The following ASTN2 variants were observed in gnomAD, a reference collection of about 807,000 sequenced individuals.
ASTN2 encodes astrotactin-2.
In ASTN2, 54 loss-of-function variants were observed where a neutral mutation model predicts 139.8. The observed-to-expected ratio is 0.39, with a 90% CI of 0.31 to 0.48. The LOEUF (loss-of-function observed/expected upper bound fraction) is 0.48. Ranked by LOEUF, ASTN2 falls within the 20% of genes least tolerant of loss-of-function variation. ASTN2 has a pLI of 0.95. For synonymous variants in ASTN2, 756 were observed against 719.5 expected, an observed-to-expected ratio of 1.05 and a Z score of -0.81; for missense variants, 1,565 against 1,725.1, an observed-to-expected ratio of 0.91 and a Z score of 1.64.
intron 19 of ASTN2, among the ~76,000 whole-genome samples, chr9:116,558,641 A>C (rs780234265): frequency 1.3e-5 from 2 of 152,176 alleles, no homozygotes; most frequent in Non-Finnish European, 2.9e-5. Flanking sequence ...ATGTTTCCTC[A>C]GAGATGCTTG....
At chr9:117,323,356 T>TACCACCACCACC (rs58313578) in intron 1 of ASTN2, among the ~76,000 whole-genome samples, 27 of 151,328 alleles carry the variant, frequency 1.8e-4, no homozygotes, top group Admixed American at 1.2e-3. Context: ...CCTCAAAGAC[T>TACCACCACCACC]ACCACCACCA....
intron 13 of ASTN2, among the ~76,000 whole-genome samples, chr9:116,791,981 A>G (rs1564269760): frequency 6.6e-6 from 1 of 152,322 alleles, no homozygotes; most frequent in East Asian, 1.9e-4. Context: ...GTTGGAGAAC[A>G]TTTGAAATAT....
chr9:117,326,760 A>G (rs534744485), intron 1 of ASTN2, among the ~76,000 whole-genome samples: 1 of 145,562 alleles, frequency 6.9e-6, no homozygotes, highest in South Asian at 2.1e-4. Flanking sequence ...CCAAGTGCCA[A>G]GAGAGAGTAT....
At chr9:117,034,926 T>C (rs1430217808) in intron 6 of ASTN2, among the ~76,000 whole-genome samples, 1 of 152,208 alleles carries the variant, frequency 6.6e-6, no homozygotes, top group Admixed American at 6.5e-5. Flanking sequence ...GGACAAGTGC[T>C]ATGTCATAAT....
At chr9:117,214,296 G>T in intron 3 of ASTN2, 62 bp downstream of exon 3, 2 of 1,518,668 alleles carry the variant, frequency 1.3e-6, no homozygotes, top group Non-Finnish European at 1.8e-6. Flanking sequence ...CCCAGCTTCT[G>T]CACCTCTTCC....
chr9:116,482,903 G>A (rs1473581622), intron 20 of ASTN2, among the ~76,000 whole-genome samples: 1 of 152,220 alleles, frequency 6.6e-6, no homozygotes, highest in Non-Finnish European at 1.5e-5. Context: ...CCCCACCCCA[G>A]GAATCAGGCC....
intron 10 of ASTN2, among the ~76,000 whole-genome samples, chr9:116,933,160 G>C (rs1447634298): frequency 6.6e-6 from 1 of 152,040 alleles, no homozygotes; most frequent in East Asian, 1.9e-4. Context: ...AGAGTTAGCT[G>C]TACTAATAAA....
At chr9:116,934,607 C>A (rs1835010639) in intron 10 of ASTN2, among the ~76,000 whole-genome samples, 1 of 151,970 alleles carries the variant, frequency 6.6e-6, no homozygotes, top group Non-Finnish European at 1.5e-5. Context: ...CACACTGAGG[C>A]CTTTCAGGGA....
intron 2 of ASTN2, among the ~76,000 whole-genome samples, chr9:117,281,126 T>C (rs960439836): frequency 9.9e-5 from 15 of 152,168 alleles, no homozygotes; most frequent in African/African-American, 3.1e-4. Flanking sequence ...CCAAGAACGA[T>C]AACAGAGTAG....
chr9:117,023,937 C>T (rs7854603), intron 6 of ASTN2, among the ~76,000 whole-genome samples: 63,798 of 151,714 alleles, frequency 0.42, 13,503 homozygotes, highest in East Asian at 0.56. Flanking sequence ...GGCATAAGCA[C>T]GCACCTGTTG....
At chr9:116,595,038 G>T (rs558037654) in intron 19 of ASTN2, among the ~76,000 whole-genome samples, 1 of 152,210 alleles carries the variant, frequency 6.6e-6, no homozygotes, top group African/African-American at 2.4e-5. Context: ...CAGAATTTCT[G>T]AGTGAGAAAG....
chr9:117,065,775 T>C (rs1827920004), intron 5 of ASTN2, among the ~76,000 whole-genome samples: 2 of 152,148 alleles, frequency 1.3e-5, no homozygotes, highest in South Asian at 2.1e-4. Context: ...TCCTTTCCCC[T>C]AACTTGAAGT....
intron 1 of ASTN2, among the ~76,000 whole-genome samples, chr9:117,316,915 C>A (rs1828161958): frequency 6.6e-6 from 1 of 152,070 alleles, no homozygotes; most frequent in Non-Finnish European, 1.5e-5. Flanking sequence ...TGAATGGAGA[C>A]CAGAAGGAAA....
intron 10 of ASTN2, among the ~76,000 whole-genome samples, chr9:116,879,350 GACAGAC>G (rs1423100990): frequency 1.3e-4 from 5 of 38,714 alleles, no homozygotes; most frequent in African/African-American, 9.2e-4. Flanking sequence ...GACAGAGACA[GACAGAC>G]AGACAGACAG....
At chr9:117,304,191 A>T (rs933066882) in intron 1 of ASTN2, among the ~76,000 whole-genome samples, 1 of 152,212 alleles carries the variant, frequency 6.6e-6, no homozygotes, top group Non-Finnish European at 1.5e-5. Flanking sequence ...GAGCAAATCA[A>T]TTGTCATAAG....
chr9:116,895,454 C>A (rs372934527), intron 10 of ASTN2, among the ~76,000 whole-genome samples: 6 of 152,078 alleles, frequency 3.9e-5, no homozygotes, highest in Admixed American at 6.6e-5. Flanking sequence ...GCTAGGAGAC[C>A]AAAGGGATGC....
At chr9:117,085,603 C>T (rs576708533) in intron 5 of ASTN2, among the ~76,000 whole-genome samples, 107 of 152,292 alleles carry the variant, frequency 7.0e-4, no homozygotes, top group African/African-American at 2.1e-3. Flanking sequence ...GCTGGTCCTA[C>T]GGATGCTGCC....
At chr9:116,845,215 C>T (rs1050381448) in intron 11 of ASTN2, among the ~76,000 whole-genome samples, 11 of 152,258 alleles carry the variant, frequency 7.2e-5, no homozygotes, top group East Asian at 1.9e-4. Context: ...CCCGGGTTCA[C>T]GCCATTCTCC....
At chr9:117,007,894 T>C (rs768853704) in intron 7 of ASTN2, among the ~76,000 whole-genome samples, 198 bp downstream of exon 7, 1 of 152,082 alleles carries the variant, frequency 6.6e-6, no homozygotes, top group Non-Finnish European at 1.5e-5. Flanking sequence ...ACTCTGAGAG[T>C]CTGTGGCTCT....
Sources: gnomAD v4.1 joint callset for allele counts (sites outside exome capture counted in the v4.1 genomes callset) on GRCh38, gnomAD v4.1.1 for gene constraint, MANE v1.5 for transcripts, NCBI Gene and HGNC (gene_info 2026-07-23, HGNC 2026-07-21) for gene names.